The following CREB5 variants were observed in gnomAD, a reference collection of about 807,000 sequenced individuals.
CREB5 encodes cAMP responsive element binding protein 5.
CREB5 carries 19 observed loss-of-function variants against 57.1 expected under a neutral mutation model. The observed-to-expected ratio is 0.33, with a 90% confidence interval of 0.23 to 0.49. CREB5 has a LOEUF of 0.49. Ranked by LOEUF, CREB5 falls within the 20% of genes least tolerant of loss-of-function variation. CREB5 has a pLI of 0.99. For missense variants in CREB5, 579 were observed against 671.6 expected, an observed-to-expected ratio of 0.86 and a Z score of 1.52; for synonymous variants, 238 against 238.3, an observed-to-expected ratio of 1.00 and a Z score of 0.01.
chr7:28,786,037 T>C lies in CREB5; in HGVS notation c.703-18162T>C, dbSNP rs73308831. On this transcript the variant is annotated intron_variant, in intron 7 of 10. Transcript: ENST00000357727. ...CCAATGGCATCAGGGGAACAGATGATGATAGTTTCAAGAAAACTAGTGATA... is the reference window on the plus strand; with the variant it reads ...CCAATGGCATCAGGGGAACAGATGACGATAGTTTCAAGAAAACTAGTGATA... 5.0e-3 allele frequency among the ~76,000 whole-genome samples: 760 copies of C among 152,300 alleles called. 5 individuals are homozygous for C. The highest frequency in any genetic ancestry group is 0.018 in the African/African-American group (731 of 41,562).
At chr7:28,808,457 G>A (rs1808883249) in intron 8 of CREB5, among the ~76,000 whole-genome samples, 1 of 152,214 alleles carries the variant, frequency 6.6e-6, no homozygotes, top group Non-Finnish European at 1.5e-5. Flanking sequence ...TGACAGATGA[G>A]TCATCCATAT....
intron 4 of CREB5, among the ~76,000 whole-genome samples, chr7:28,569,493 G>C (rs1401675034): frequency 1.3e-5 from 2 of 152,078 alleles, no homozygotes; most frequent in African/African-American, 4.8e-5. Flanking sequence ...AAACATATAA[G>C]CCTTCATTTG....
intron 5 of CREB5, among the ~76,000 whole-genome samples, chr7:28,691,196 G>A (rs986050038): frequency 5.9e-5 from 9 of 152,122 alleles, no homozygotes; most frequent in Admixed American, 1.3e-4. Context: ...AAGGCAGATG[G>A]ATCACCTGAG....
intron 1 of CREB5, among the ~76,000 whole-genome samples, chr7:28,354,966 A>C (rs1351455769): frequency 1.3e-5 from 2 of 152,132 alleles, no homozygotes; most frequent in Non-Finnish European, 2.9e-5. Flanking sequence ...CATTCCTCTA[A>C]ACCAATGGGG....
chr7:28,666,312 C>A (rs2128716455), intron 5 of CREB5, among the ~76,000 whole-genome samples: 1 of 152,228 alleles, frequency 6.6e-6, no homozygotes, highest in Middle Eastern at 3.4e-3. Context: ...ATGTGGCCAG[C>A]AGCCATACCA....
At chr7:28,408,201 A>G (rs963287024), upstream of CREB5, among the ~76,000 whole-genome samples, 1 of 152,172 alleles carries the variant, frequency 6.6e-6, no homozygotes, top group Non-Finnish European at 1.5e-5. Context: ...GCCTTAGCTC[A>G]CCTGTAGAAT....
At chr7:28,760,833 A>C (rs1233554800) in intron 7 of CREB5, among the ~76,000 whole-genome samples, 1 of 152,184 alleles carries the variant, frequency 6.6e-6, no homozygotes. Flanking sequence ...AGCAAATACA[A>C]ATGAAATTGT....
chr7:28,616,021 C>G (rs1462062180), intron 5 of CREB5: 3 of 152,182 alleles, frequency 2.0e-5, no homozygotes, highest in Non-Finnish European at 4.4e-5. Context: ...TTTTTCCTGA[C>G]AATTTATTTG....
chr7:28,642,033 C>T (rs925509187), intron 5 of CREB5, among the ~76,000 whole-genome samples: 1 of 152,230 alleles, frequency 6.6e-6, no homozygotes, highest in African/African-American at 2.4e-5. Flanking sequence ...AGATCTCCCA[C>T]AAATACCTGG....
chr7:28,453,853 G>C (rs1789957315), intron 1 of CREB5, among the ~76,000 whole-genome samples: 1 of 152,134 alleles, frequency 6.6e-6, no homozygotes, highest in African/African-American at 2.4e-5. Flanking sequence ...TGAAAATGCT[G>C]CCCTCTTTAC....
At chr7:28,583,925 G>A (rs1277498258) in intron 5 of CREB5, among the ~76,000 whole-genome samples, 4 of 152,098 alleles carry the variant, frequency 2.6e-5, no homozygotes, top group Non-Finnish European at 5.9e-5. Context: ...TGATCTGCCC[G>A]CCTCAGCCTC....
At chr7:28,762,394 C>T (rs973976050) in intron 7 of CREB5, among the ~76,000 whole-genome samples, 8 of 152,098 alleles carry the variant, frequency 5.3e-5, no homozygotes, top group Admixed American at 1.3e-4. Context: ...TTGGATTTTC[C>T]AGCAACCCTT....
chr7:28,617,103 C>T (rs2128682137), intron 5 of CREB5, among the ~76,000 whole-genome samples: 1 of 152,330 alleles, frequency 6.6e-6, no homozygotes, highest in South Asian at 2.1e-4. Flanking sequence ...ATTCCAGGTA[C>T]ATGAGAGCTA....
At chr7:28,387,425 TG>T (rs1318024582) in intron 1 of CREB5, among the ~76,000 whole-genome samples, 1 of 152,170 alleles carries the variant, frequency 6.6e-6, no homozygotes, top group Non-Finnish European at 1.5e-5. Flanking sequence ...TGGGGTTGTT[TG>T]TTTTTTTTTC....
chr7:28,625,192 G>A (rs1256049899), intron 5 of CREB5, among the ~76,000 whole-genome samples: 4 of 152,174 alleles, frequency 2.6e-5, no homozygotes, highest in Admixed American at 6.5e-5. Context: ...TACCTGTGGA[G>A]TTGGATTCAA....
intron 1 of CREB5, among the ~76,000 whole-genome samples, chr7:28,440,988 T>C: frequency 6.6e-6 from 1 of 152,216 alleles, no homozygotes. Context: ...AAATGTATTT[T>C]ATCAATGCAT....
intron 4 of CREB5, among the ~76,000 whole-genome samples, chr7:28,539,187 A>G (rs1794099912): frequency 6.6e-6 from 1 of 152,222 alleles, no homozygotes; most frequent in Non-Finnish European, 1.5e-5. Flanking sequence ...TGACCATTCA[A>G]TTTGGTAATT....
chr7:28,678,029 A>C (rs1800398120), intron 5 of CREB5, among the ~76,000 whole-genome samples: 1 of 152,226 alleles, frequency 6.6e-6, no homozygotes, highest in African/African-American at 2.4e-5. Context: ...AGAAATTTAG[A>C]ATCTTTTTAC....
chr7:28,412,866 A>G lies in CREB5; in HGVS notation c.-49A>G. 1 of 1,457,060 alleles carries G rather than the reference A, an allele frequency of 6.9e-7. No homozygotes were observed. Among genetic ancestry groups the G allele is most frequent in the Non-Finnish European group, 9.1e-7 (1 of 1,101,314 alleles). 90.3% of individuals were successfully genotyped at this position (1,457,060 alleles called of 1,614,324 possible). A position where few individuals can be genotyped will look rare whatever the true frequency, so the allele number is the denominator to read the frequency against. ...TAGAAAGAAAGGAAGAAAAAACTTG[A>G]TTTGGTGACTGCAGGAAGCAACACG... On this transcript the variant is annotated 5_prime_UTR_variant, in exon 1 of 11. Coordinates refer to ENST00000357727, the MANE Select transcript of CREB5 (RefSeq NM_182898.4).
Sources: allele counts gnomAD v4.1 joint callset (sites outside exome capture counted in the v4.1 genomes callset), GRCh38; gene constraint gnomAD v4.1.1; transcripts MANE v1.5; gene names NCBI Gene and HGNC (gene_info 2026-07-23, HGNC 2026-07-21).